The following SEMA3A variants were observed in gnomAD, a reference collection of about 807,000 sequenced individuals.
The protein encoded by SEMA3A is semaphorin-3A.
In SEMA3A, 29 loss-of-function variants were observed where a neutral mutation model predicts 97.9. The ratio of observed to expected loss-of-function variants is 0.30; its 90% confidence interval spans 0.22 to 0.40. The LOEUF is 0.40. SEMA3A is among the 10% of genes least tolerant of loss of function. The pLI is 1.00. For synonymous variants in SEMA3A, 321 were observed against 323.7 expected (o/e 0.99, Z 0.09); for missense variants, 763 against 951.3 (o/e 0.80, Z 2.60).
intron 3 of SEMA3A, among the ~76,000 whole-genome samples, chr7:84,262,277 C>T (rs754517089): frequency 1.3e-4 from 20 of 152,018 alleles, no homozygotes; most frequent in Non-Finnish European, 2.4e-4. Flanking sequence ...TGCAATGGTA[C>T]GAGCCTGGCT....
chr7:84,152,023 A>C (rs1482532514), intron 1 of SEMA3A, among the ~76,000 whole-genome samples: 2 of 149,668 alleles, frequency 1.3e-5, no homozygotes, highest in African/African-American at 2.4e-5. Flanking sequence ...AATGGCAATC[A>C]TTAAAAAGTC....
intron 5 of SEMA3A, among the ~76,000 whole-genome samples, chr7:84,055,585 C>G (rs944665353): frequency 2.0e-5 from 3 of 152,178 alleles, no homozygotes; most frequent in Admixed American, 6.5e-5. Context: ...CGCGCACCCA[C>G]TGACCTGCGC....
At chr7:84,302,243 TTAGG>T (rs906819052) in intron 3 of SEMA3A, among the ~76,000 whole-genome samples, 4 of 129,700 alleles carry the variant, frequency 3.1e-5, no homozygotes, top group African/African-American at 1.1e-4. Context: ...AAGGAAAGAG[TTAGG>T]AATAATTTTT....
intron 3 of SEMA3A, among the ~76,000 whole-genome samples, chr7:84,202,311 TA>T (rs1191916256): frequency 5.9e-5 from 9 of 152,174 alleles, no homozygotes; most frequent in Non-Finnish European, 5.9e-5. Context: ...ATACATGCTT[TA>T]AAACAATATG....
At chr7:84,489,028 C>T (rs1806653497) in intron 1 of SEMA3A, 1 of 152,048 alleles carries the variant, frequency 6.6e-6, no homozygotes. Flanking sequence ...TGAGTTTGTT[C>T]TCACACTGCT....
intron 1 of SEMA3A, among the ~76,000 whole-genome samples, chr7:84,491,645 A>G (rs1002949079): frequency 1.3e-5 from 2 of 152,142 alleles, no homozygotes; most frequent in Non-Finnish European, 2.9e-5. Flanking sequence ...CCCATAGCCA[A>G]GTAAAAATCA....
At chr7:84,082,548 A>C (rs1461173687) in intron 4 of SEMA3A, among the ~76,000 whole-genome samples, 5 of 152,156 alleles carry the variant, frequency 3.3e-5, no homozygotes, top group Admixed American at 3.3e-4. Flanking sequence ...AATATATTTT[A>C]AGTCATCTTT....
intron 3 of SEMA3A, among the ~76,000 whole-genome samples, chr7:84,254,549 A>T (rs1305948222): frequency 6.6e-6 from 1 of 152,208 alleles, no homozygotes; most frequent in African/African-American, 2.4e-5. Context: ...ACAATGACGC[A>T]TAATATTCCA....
At chr7:84,128,977 C>A in intron 3 of SEMA3A, 146 bp downstream of exon 3, 1 of 627,852 alleles carries the variant, frequency 1.6e-6, no homozygotes, top group East Asian at 2.8e-5. Context: ...GGGTTCTATC[C>A]TAAAGATATC....
intron 1 of SEMA3A, among the ~76,000 whole-genome samples, chr7:84,183,941 A>G (rs1444318260): frequency 6.6e-6 from 1 of 152,186 alleles, no homozygotes; most frequent in South Asian, 2.1e-4. Flanking sequence ...TTACTATACC[A>G]TTACTAATTT....
At chr7:84,026,749 A>G (rs1397521483) in intron 6 of SEMA3A, among the ~76,000 whole-genome samples, 1 of 152,192 alleles carries the variant, frequency 6.6e-6, no homozygotes, top group Non-Finnish European at 1.5e-5. Context: ...ACACAGGAAC[A>G]GAAAACCAAC....
At chr7:84,188,227 T>G (rs995981532) in intron 1 of SEMA3A, among the ~76,000 whole-genome samples, 1 of 152,052 alleles carries the variant, frequency 6.6e-6, no homozygotes, top group Non-Finnish European at 1.5e-5. Context: ...TTCTTCATAT[T>G]TATCAACAGG....
chr7:83,984,907 TG>T, intron 13 of SEMA3A, among the ~76,000 whole-genome samples: 1 of 152,212 alleles, frequency 6.6e-6, no homozygotes, highest in African/African-American at 2.4e-5. Flanking sequence ...ATACACATTT[TG>T]TTTTCTCTAG....
chr7:84,396,743 A>G (rs193108135), intron 1 of SEMA3A, among the ~76,000 whole-genome samples: 108 of 152,124 alleles, frequency 7.1e-4, no homozygotes, highest in African/African-American at 2.6e-3. Context: ...ATAAGTAGAT[A>G]AGAAAAATAA....
chr7:84,417,885 T>C (rs961688589), intron 1 of SEMA3A, among the ~76,000 whole-genome samples: 1 of 152,140 alleles, frequency 6.6e-6, no homozygotes, highest in Non-Finnish European at 1.5e-5. Context: ...TAACATTATA[T>C]AGATAGCAAT....
intron 2 of SEMA3A, among the ~76,000 whole-genome samples, chr7:84,318,948 G>T (rs1021033087): frequency 2.0e-5 from 3 of 152,128 alleles, no homozygotes; most frequent in Non-Finnish European, 4.4e-5. Flanking sequence ...CATAGATGTT[G>T]ATTAGTTTAG....
Position 84,358,267 on chromosome 7 carries a change from C to T in SEMA3A, c.-169+13557G>A, listed in dbSNP as rs921080602. ...TTTTCTTCTAGGGTTTTTATGGTTT[C>T]AGGTCTAACATTTAAGTCTTTAATC... is the stretch of plus-strand genomic sequence containing the variant. On this transcript the variant is annotated intron_variant, in intron 2 of 3. Coordinates refer to the SEMA3A transcript ENST00000424555. Among the ~76,000 whole-genome samples, 12 of 152,048 alleles carry T rather than the reference C, an allele frequency of 7.9e-5. No homozygotes were observed. The Middle Eastern group carries it at 0.01, about 129-fold the overall frequency.
Position 84,110,553 on chromosome 7 carries a change from A to G in SEMA3A, c.370T>C (p.Tyr124His), listed in dbSNP as rs1450582921. The G allele has an allele frequency of 6.2e-7, 1 of 1,614,018 alleles. No homozygotes were observed. The highest frequency in any genetic ancestry group is 2.2e-5 in the East Asian group (1 of 44,866). The change falls in exon 4 of 17, where the codon TAT becomes CAT. Residue 124 changes from tyrosine to histidine, a missense_variant. Physicochemically the swap from Tyr to His is moderately conservative, Grantham distance 83. This residue lies in a region of SEMA3A where 678 missense variants were observed against 881.3 expected (regional missense o/e 0.77). Coordinates refer to ENST00000265362, the MANE Select transcript of SEMA3A (RefSeq NM_006080.3). ...CAGGCGTACAAGTGAGTCTGATTAT[A>G]TGCCTTAAGTACCTTGATGAAATTA... ...CANFIKVLKA[Y>H]NQTHLYACGT...
intron 4 of SEMA3A, among the ~76,000 whole-genome samples, chr7:84,109,669 T>C (rs1795218617): frequency 6.6e-6 from 1 of 152,202 alleles, no homozygotes; most frequent in South Asian, 2.1e-4. Flanking sequence ...ATTTCAAGAA[T>C]AAGTCCTTTA....
Sources: allele counts gnomAD v4.1 joint callset (sites outside exome capture counted in the v4.1 genomes callset), GRCh38; gene constraint gnomAD v4.1.1; regional missense constraint gnomAD v4.1.1; transcripts MANE v1.5; gene names NCBI Gene and HGNC (gene_info 2026-07-23, HGNC 2026-07-21).